The following SPAG17 variants were observed in gnomAD, a reference collection of about 807,000 sequenced individuals.
SPAG17 encodes sperm-associated antigen 17.
SPAG17 carries 169 observed loss-of-function variants against 273.6 expected under a neutral mutation model. The ratio of observed to expected loss-of-function variants is 0.62; its 90% CI spans 0.55 to 0.70. SPAG17 has a LOEUF of 0.70. Ranked by LOEUF, SPAG17 falls within the 30% of genes least tolerant of loss-of-function variation. SPAG17 has a pLI of 0.00. For synonymous variants in SPAG17, 825 were observed against 873.2 expected (o/e 0.94, Z 0.97); for missense variants, 2,557 against 2,627.8 (o/e 0.97, Z 0.59).
intron 3 of SPAG17, among the ~76,000 whole-genome samples, chr1:118,119,822 T>C (rs944545969): frequency 3.9e-4 from 60 of 152,174 alleles, no homozygotes; most frequent in Admixed American, 3.7e-3. Context: ...TACACACATA[T>C]ATGTATATTC....
intron 15 of SPAG17, among the ~76,000 whole-genome samples, chr1:118,080,599 A>T (rs1358633803): frequency 6.6e-6 from 1 of 152,232 alleles, no homozygotes; most frequent in East Asian, 1.9e-4. Context: ...GTGATGTGTA[A>T]GGTAGCTCAG....
intron 4 of SPAG17, among the ~76,000 whole-genome samples, chr1:118,105,826 C>A (rs1656361699): frequency 6.8e-6 from 1 of 147,948 alleles, no homozygotes; most frequent in Admixed American, 6.8e-5. Context: ...GTAAGAAGAG[C>A]ATTACTCAGT....
In SPAG17 at chr1:118,081,452, G is replaced by A. The variant is rs1310873324; in HGVS notation, c.1953C>T (p.Val651=). The A allele has an allele frequency of 2.5e-6, 4 of 1,613,584 alleles. No individual in the cohort carries two copies. In the African/African-American group the frequency reaches 5.3e-5, roughly 22 times the overall value. ...RFAKQIRQQY[V]MKMNTQEAKQ... Reference sequence around the variant, plus strand: ...TGGCCTCTTGAGTATTCATTTTCATGACATATTGCTGCCTTATCTGTTTAG... The same window carrying A: ...TGGCCTCTTGAGTATTCATTTTCATAACATATTGCTGCCTTATCTGTTTAG... Residue 651 remains valine, a synonymous_variant, in exon 14 of 49, where the codon GTC becomes GTT. Transcript: ENST00000336338.
chr1:118,061,216 A>C (rs1360221007), intron 18 of SPAG17, among the ~76,000 whole-genome samples: 1 of 152,188 alleles, frequency 6.6e-6, no homozygotes, highest in Non-Finnish European at 1.5e-5. Context: ...TATGCAAAAA[A>C]AATTGAAATC....
At chr1:118,079,561 T>C (rs1230305397) in intron 15 of SPAG17, among the ~76,000 whole-genome samples, 1 of 151,362 alleles carries the variant, frequency 6.6e-6, no homozygotes, top group Non-Finnish European at 1.5e-5. Flanking sequence ...CCTATGTTTC[T>C]ATGTTTTCTA....
intron 41 of SPAG17, among the ~76,000 whole-genome samples, chr1:117,984,349 A>T (rs570925071): frequency 6.6e-6 from 1 of 152,320 alleles, no homozygotes; most frequent in South Asian, 2.1e-4. Flanking sequence ...AAACTTCAAA[A>T]TGGGTTATCA....
At chr1:118,176,913 C>T (rs576684429) in intron 1 of SPAG17, among the ~76,000 whole-genome samples, 2 of 152,012 alleles carry the variant, frequency 1.3e-5, no homozygotes, top group African/African-American at 4.8e-5. Context: ...AAAAACTACA[C>T]AAACACATGG....
At chr1:118,125,478 C>T (rs1347084106) in intron 3 of SPAG17, among the ~76,000 whole-genome samples, 2 of 152,124 alleles carry the variant, frequency 1.3e-5, no homozygotes, top group Non-Finnish European at 2.9e-5. Context: ...ATTTATTCCT[C>T]CTATCTAGTG....
At chr1:118,013,296 T>G (rs1659653693) in intron 29 of SPAG17, among the ~76,000 whole-genome samples, 1 of 152,210 alleles carries the variant, frequency 6.6e-6, no homozygotes, top group African/African-American at 2.4e-5. Flanking sequence ...GACTCCAAAG[T>G]TCATGGCTAT....
rs543547606 is a variant in SPAG17 at position 118,017,902 on chromosome 1, G to A, written c.4070-1720C>T. On this transcript the variant is annotated intron_variant, in intron 28 of 48. Coordinates refer to ENST00000336338, the MANE Select transcript of SPAG17 (RefSeq NM_206996.4). ...CTCAAAGGTAAGAGGAAGGAAACAA[G>A]CAGGGTTGGAGTTCCATTTTCAGCA... is the stretch of plus-strand genomic sequence containing the variant. Among the ~76,000 whole-genome samples, 8 of 152,230 alleles carry A rather than the reference G, an allele frequency of 5.3e-5. No homozygotes were observed. The East Asian group carries it at 1.4e-3, about 26-fold the overall frequency.
At chr1:118,088,651 C>T (rs947047344) in intron 10 of SPAG17, among the ~76,000 whole-genome samples, 13 of 152,032 alleles carry the variant, frequency 8.6e-5, no homozygotes, top group African/African-American at 3.1e-4. Context: ...GTGTCACATC[C>T]ATGCACTAAA....
chr1:118,064,463 A>G (rs1031676349), intron 18 of SPAG17, among the ~76,000 whole-genome samples: 1 of 151,418 alleles, frequency 6.6e-6, no homozygotes, highest in Non-Finnish European at 1.5e-5. Context: ...GGAAACCATC[A>G]TTCTCAGCAA....
intron 19 of SPAG17, among the ~76,000 whole-genome samples, chr1:118,055,299 T>C (rs1167191053): frequency 5.3e-5 from 8 of 152,058 alleles, no homozygotes; most frequent in African/African-American, 1.9e-4. Context: ...TTGGGACCCT[T>C]CTGTTTGCTG....
In SPAG17 at chr1:118,066,728, C is replaced by G. The variant is rs376472694; in HGVS notation, c.2540+17G>C. On this transcript the variant is annotated intron_variant, in intron 18 of 48. Coordinates refer to ENST00000336338, the MANE Select transcript of SPAG17 (RefSeq NM_206996.4). ...AAACCCAACTAACTAATTAACTAAA[C>G]TTTCCAAATTTGTTACCTGAATCCA... 4.4e-6 allele frequency: 7 copies of G among 1,604,048 alleles called. No homozygotes were observed. Among genetic ancestry groups the G allele is most frequent in the Non-Finnish European group, 6.0e-6 (7 of 1,175,762 alleles).
chr1:118,000,165 C>T (rs1465314288), intron 32 of SPAG17, among the ~76,000 whole-genome samples: 1 of 152,256 alleles, frequency 6.6e-6, no homozygotes, highest in East Asian at 1.9e-4. Flanking sequence ...GGCCTCTGTC[C>T]TGTTCCATTG....
intron 1 of SPAG17, among the ~76,000 whole-genome samples, chr1:118,158,627 C>T (rs372228540): frequency 1.8e-4 from 28 of 152,274 alleles, no homozygotes; most frequent in Middle Eastern, 3.4e-3. Context: ...CAATAAGACA[C>T]GTTTCCTGGC....
intron 28 of SPAG17, among the ~76,000 whole-genome samples, chr1:118,020,057 GT>G (rs1453977377): frequency 6.6e-6 from 1 of 152,156 alleles, no homozygotes; most frequent in Non-Finnish European, 1.5e-5. Flanking sequence ...AGTTATACCG[GT>G]AAGGTATTAA....
intron 15 of SPAG17, among the ~76,000 whole-genome samples, chr1:118,080,890 G>T (rs1021799323): frequency 6.6e-6 from 1 of 152,132 alleles, no homozygotes; most frequent in South Asian, 2.1e-4. Context: ...ATTTACTAAG[G>T]TTAAGTGTGG....
chr1:118,104,649 G>A (rs1459883098), intron 4 of SPAG17, among the ~76,000 whole-genome samples: 4 of 152,202 alleles, frequency 2.6e-5, no homozygotes, highest in African/African-American at 7.2e-5. Context: ...AAGAGACAGC[G>A]AAGTGGATAA....
Sources: allele counts gnomAD v4.1 joint callset (sites outside exome capture counted in the v4.1 genomes callset), GRCh38; gene constraint gnomAD v4.1.1; transcripts MANE v1.5; gene names NCBI Gene and HGNC (gene_info 2026-07-23, HGNC 2026-07-21).